CILK1: variants seen among roughly 807,000 people sequenced by gnomAD.
CILK1 encodes ciliogenesis associated kinase 1.
A neutral mutation model predicts 79.2 loss-of-function variants in CILK1; 47 were observed. The observed-to-expected ratio is 0.59, with a 90% confidence interval of 0.47 to 0.76. The LOEUF (loss-of-function observed/expected upper bound fraction) is 0.76. CILK1 is among the 30% of genes least tolerant of loss of function. The probability of loss-of-function intolerance (pLI) is 0.00; values close to 1 mark genes in which losing one functional copy is unlikely to be tolerated. For synonymous variants in CILK1, 266 were observed against 275.9 expected (o/e 0.96, Z 0.36); for missense variants, 660 against 769.5 (o/e 0.86, Z 1.68).
At chr6:53,025,493 C>T (rs573348114) in intron 5 of CILK1, among the ~76,000 whole-genome samples, 1 of 152,310 alleles carries the variant, frequency 6.6e-6, no homozygotes, top group African/African-American at 2.4e-5. Flanking sequence ...AAGCTTTATC[C>T]TCTCCCTCAC....
chr6:53,002,114 C>T lies in CILK1; in HGVS notation c.*3035G>A, dbSNP rs1763971644. On this transcript the variant is annotated 3_prime_UTR_variant, in exon 14 of 14. Transcript: ENST00000676107. ...AAAAAATTATTTGAAAATCAAGTTT[C>T]TTCCTACATAAATCCTATCACACAT... 6.6e-6 allele frequency: 1 copy of T among 152,226 alleles called. No homozygotes were observed. Among genetic ancestry groups the T allele is most frequent in the Non-Finnish European group, 1.5e-5 (1 of 68,030 alleles). 9.4% of individuals were successfully genotyped at this position (152,226 alleles called of 1,614,324 possible).
intron 13 of CILK1, among the ~76,000 whole-genome samples, chr6:53,006,090 C>T (rs1229100711): frequency 6.6e-6 from 1 of 152,174 alleles, no homozygotes; most frequent in Non-Finnish European, 1.5e-5. Flanking sequence ...CACTCCAACC[C>T]CCACAATCCC....
At chr6:53,012,001 A>G (rs539806970) in intron 10 of CILK1, 36 bp downstream of exon 10, 1 of 1,613,928 alleles carries the variant, frequency 6.2e-7, no homozygotes, top group East Asian at 2.2e-5. Context: ...TGAATTCCAG[A>G]TTCAGTCTGT....
At chr6:53,049,441 T>C (rs1470334251) in intron 1 of CILK1, among the ~76,000 whole-genome samples, 2 of 152,218 alleles carry the variant, frequency 1.3e-5, no homozygotes, top group Non-Finnish European at 2.9e-5. Flanking sequence ...GAAAATAAGA[T>C]GCAAGTAAGA....
chr6:53,020,389 C>G (rs958606543), intron 5 of CILK1, among the ~76,000 whole-genome samples: 1 of 152,222 alleles, frequency 6.6e-6, no homozygotes, highest in Non-Finnish European at 1.5e-5. Flanking sequence ...GACACCAATA[C>G]TGGAAATACA....
At chr6:53,048,510 C>A (rs1767258733) in intron 1 of CILK1, among the ~76,000 whole-genome samples, 1 of 152,188 alleles carries the variant, frequency 6.6e-6, no homozygotes, top group South Asian at 2.1e-4. Flanking sequence ...CATATCCTAG[C>A]AGGATGTGGT....
rs189503408 is a variant in CILK1 at position 53,045,440 on chromosome 6, G to A, written c.-172-4032C>T. Among the ~76,000 whole-genome samples, 7 of 152,196 alleles carry A rather than the reference G, an allele frequency of 4.6e-5. No individual in the cohort carries two copies. The East Asian group carries it at 7.7e-4, about 17-fold the overall frequency. On this transcript the variant is annotated intron_variant, in intron 1 of 13. Coordinates refer to ENST00000676107, the MANE Select transcript of CILK1 (RefSeq NM_014920.5). ...AAGCTACATGCATTTAGTAGAAATC[G>A]TATTTCGAGCACCCATACTATTCTG... is the stretch of plus-strand genomic sequence containing the variant.
chr6:53,026,018 C>T (rs1370591212), intron 5 of CILK1, among the ~76,000 whole-genome samples: 8 of 152,198 alleles, frequency 5.3e-5, no homozygotes, highest in Non-Finnish European at 1.5e-5. Flanking sequence ...AATCATAATT[C>T]TGTTACTCAC....
chr6:53,042,783 T>C (rs944725382), intron 1 of CILK1, among the ~76,000 whole-genome samples: 8 of 152,106 alleles, frequency 5.3e-5, no homozygotes, highest in African/African-American at 1.7e-4. Context: ...GCCAAATAAA[T>C]GCAATGTGGG....
rs754661694 is a variant in CILK1, at chr6:53,012,022, G to C, written c.1343+15C>G. Reference sequence around the variant, plus strand: ...CCAGATTCAGTCTGTTTACAAATGTGAGCAGCACACTTGCCTGCAGAGAGT... The same window carrying C: ...CCAGATTCAGTCTGTTTACAAATGTCAGCAGCACACTTGCCTGCAGAGAGT... On this transcript the variant is annotated intron_variant, in intron 10 of 13. Transcript: ENST00000676107. 4 of 1,614,034 alleles carry C rather than the reference G, an allele frequency of 2.5e-6. No individual in the cohort carries two copies. Among genetic ancestry groups the C allele is most frequent in the Non-Finnish European group, 2.5e-6 (3 of 1,179,914 alleles).
chr6:53,019,302 A>G lies in CILK1; in HGVS notation c.416T>C (p.Val139Ala). The G allele has an allele frequency of 6.2e-7, 1 of 1,614,060 alleles. No individual in the cohort carries two copies. Among genetic ancestry groups the G allele is most frequent in the Non-Finnish European group, 8.5e-7 (1 of 1,179,914 alleles). ...ENLLCMGPELVKIADFGLARE... is the reference protein window; with the variant it reads ...ENLLCMGPELAKIADFGLARE... ...GGCCAAACCAAAGTCTGCAATTTTCACAAGTTCTGGTCCCATGCAGAGGAG... is the reference window on the plus strand; with the variant it reads ...GGCCAAACCAAAGTCTGCAATTTTCGCAAGTTCTGGTCCCATGCAGAGGAG... Residue 139 changes from valine to alanine, a missense_variant, in exon 6 of 14, where the codon GTG (valine) becomes GCG (alanine). By Grantham distance (64) the Val-to-Ala change is moderately conservative. Transcript: ENST00000676107.
intron 1 of CILK1, among the ~76,000 whole-genome samples, chr6:53,047,719 A>T (rs1767191296): frequency 6.6e-6 from 1 of 152,064 alleles, no homozygotes; most frequent in African/African-American, 2.4e-5. Flanking sequence ...TAGAATAGAG[A>T]TCAGAGGCAG....
chr6:53,046,297 T>C (rs1767069125), intron 1 of CILK1, among the ~76,000 whole-genome samples: 1 of 152,212 alleles, frequency 6.6e-6, no homozygotes, highest in African/African-American at 2.4e-5. Flanking sequence ...TCCCTCATGC[T>C]TTTTGCAATG....
chr6:53,053,495 G>A (rs146073254), intron 1 of CILK1, among the ~76,000 whole-genome samples: 1 of 152,146 alleles, frequency 6.6e-6, no homozygotes, highest in Non-Finnish European at 1.5e-5. Flanking sequence ...ATTCTACCAG[G>A]CAGGTACTAT....
At chr6:53,010,426 C>G (rs1272011205) in intron 11 of CILK1, among the ~76,000 whole-genome samples, 6 of 152,356 alleles carry the variant, frequency 3.9e-5, no homozygotes, top group Admixed American at 3.3e-4. Flanking sequence ...TTGCTGGCCC[C>G]TCCCCTACTC....
intron 5 of CILK1, among the ~76,000 whole-genome samples, chr6:53,020,241 T>G (rs746109951): frequency 2.0e-5 from 3 of 152,162 alleles, no homozygotes; most frequent in Non-Finnish European, 2.9e-5. Flanking sequence ...AGGCAGGAGA[T>G]AGTCAACATG....
rs767127430 is a variant in CILK1 at position 53,011,849 on chromosome 6, GT to G, written c.1411del (p.Thr471ArgfsTer11). The G allele has an allele frequency of 3.7e-6, 6 of 1,614,030 alleles. No individual in the cohort carries two copies. The highest frequency in any genetic ancestry group is 4.2e-6 in the Non-Finnish European group (5 of 1,180,016). ...GGGCGTGTCTCGCCGCTGATATGAC[GT>G]CTGGGTGGGGGCACTGTTTCCTGTG... ...VGTGNSAPTQ[T>X]SYQRRDTPTL... On this transcript the variant is annotated frameshift_variant, in exon 11 of 14. Transcript: ENST00000676107. LOFTEE classifies it high-confidence loss of function.
chr6:53,023,488 A>C (rs1048692264), intron 5 of CILK1, among the ~76,000 whole-genome samples: 5 of 152,340 alleles, frequency 3.3e-5, no homozygotes, highest in Non-Finnish European at 7.4e-5. Flanking sequence ...ATGAGACAGC[A>C]CTGAGAACTG....
At position 53,001,971 on chromosome 6, in the gene CILK1, C is replaced by T. The variant is rs1763964029; in HGVS notation, c.*3178G>A. ...AACTCCAACAGTACCTGTATTTGCACTCAAAAATAAAATAATTCTTGTGTT... is the reference window on the plus strand; with the variant it reads ...AACTCCAACAGTACCTGTATTTGCATTCAAAAATAAAATAATTCTTGTGTT... On this transcript the variant is annotated 3_prime_UTR_variant, in exon 14 of 14. Coordinates refer to ENST00000676107, the MANE Select transcript of CILK1 (RefSeq NM_014920.5). 1 of 152,514 alleles carries T rather than the reference C, an allele frequency of 6.6e-6. No homozygotes were observed. Among genetic ancestry groups the T allele is most frequent in the Non-Finnish European group, 1.5e-5 (1 of 68,028 alleles). 9.4% of individuals were successfully genotyped at this position (152,514 alleles called of 1,614,324 possible).
Sources: gnomAD v4.1 joint callset for allele counts (sites outside exome capture counted in the v4.1 genomes callset) on GRCh38, gnomAD v4.1.1 for gene constraint, MANE v1.5 for transcripts, NCBI Gene and HGNC (gene_info 2026-07-23, HGNC 2026-07-21) for gene names.